FOXN3: variants seen among roughly 807,000 people sequenced by gnomAD.
FOXN3 encodes the protein forkhead box N3, also known as forkhead box protein N3.
In FOXN3, 7 loss-of-function variants were observed where a neutral mutation model predicts 38.4. That is an observed-to-expected ratio of 0.18 (90% CI 0.10 to 0.34). The LOEUF (loss-of-function observed/expected upper bound fraction) is 0.34, where lower values mean the gene tolerates loss of function less well. Ranked by LOEUF, FOXN3 falls within the 10% of genes least tolerant of loss-of-function variation. The pLI is 1.00. For missense variants in FOXN3, 456 were observed against 613.4 expected, an observed-to-expected ratio of 0.74 and a Z score of 2.71; for synonymous variants, 230 against 242.2, an observed-to-expected ratio of 0.95 and a Z score of 0.47.
intron 1 of FOXN3, among the ~76,000 whole-genome samples, chr14:89,600,529 A>G (rs1596329392): frequency 6.6e-6 from 1 of 152,334 alleles, no homozygotes; most frequent in East Asian, 1.9e-4. Context: ...AATTTTCTCC[A>G]AATTTTTATT....
chr14:89,447,063 G>T (rs1175005464), intron 1 of FOXN3, among the ~76,000 whole-genome samples: 3 of 152,184 alleles, frequency 2.0e-5, no homozygotes, highest in African/African-American at 7.2e-5. Flanking sequence ...GGGTGTGGTG[G>T]CATGCACCTG....
chr14:89,440,712 G>A lies in FOXN3; in HGVS notation c.-14-28222C>T, dbSNP rs368560780. On this transcript the variant is annotated intron_variant, in intron 1 of 6. Coordinates refer to the FOXN3 transcript ENST00000345097. ...TTATCTCCCTTCGCTGACTCTTTTC[G>A]GACTCAGCCCACCTGCACCCAGGTG... is the stretch of plus-strand genomic sequence containing the variant. Among the ~76,000 whole-genome samples, 10 of 152,138 alleles carry A rather than the reference G, an allele frequency of 6.6e-5. No individual in the cohort carries two copies. In the East Asian group the frequency reaches 7.7e-4, roughly 12 times the overall value.
chr14:89,245,468 G>A (rs1322395809), intron 4 of FOXN3, among the ~76,000 whole-genome samples: 3 of 101,016 alleles, frequency 3.0e-5, no homozygotes, highest in African/African-American at 7.4e-5. Flanking sequence ...CTTCAAAAAG[G>A]CATTGGAGAA....
intron 4 of FOXN3, among the ~76,000 whole-genome samples, chr14:89,207,012 G>A (rs1888402432): frequency 6.6e-6 from 1 of 152,008 alleles, no homozygotes. Flanking sequence ...TTAACAATAA[G>A]AACAACAATA....
intron 1 of FOXN3, among the ~76,000 whole-genome samples, chr14:89,437,063 A>G (rs1892288519): frequency 6.6e-6 from 1 of 152,106 alleles, no homozygotes; most frequent in South Asian, 2.1e-4. Flanking sequence ...AGGAGAATCA[A>G]TTGAACATGG....
chr14:89,191,973 T>TATATATATATAAATATATATAA (rs1481298307), intron 4 of FOXN3, among the ~76,000 whole-genome samples: 1 of 135,216 alleles, frequency 7.4e-6, no homozygotes, highest in African/African-American at 3.2e-5. Flanking sequence ...CACATATATA[T>TATATATATATAAATATATATAA]AACTATAATA....
At chr14:89,395,367 TACAC>T (rs1235037242) in intron 2 of FOXN3, among the ~76,000 whole-genome samples, 8 of 152,214 alleles carry the variant, frequency 5.3e-5, no homozygotes, top group African/African-American at 1.7e-4. Flanking sequence ...TTCAGAGAGG[TACAC>T]AGCTGGTTAG....
chr14:89,226,719 A>G (rs1884651762), intron 4 of FOXN3, among the ~76,000 whole-genome samples: 1 of 152,202 alleles, frequency 6.6e-6, no homozygotes. Flanking sequence ...GCTGACATAA[A>G]TAGTTAAGAT....
chr14:89,291,550 G>C, intron 3 of FOXN3: 1 of 571,978 alleles, frequency 1.7e-6, no homozygotes, highest in Non-Finnish European at 3.4e-6. Flanking sequence ...CCAGGCAGCT[G>C]ACAGCCCACT....
At chr14:89,449,375 C>G (rs1479199583) in intron 1 of FOXN3, among the ~76,000 whole-genome samples, 2 of 152,194 alleles carry the variant, frequency 1.3e-5, no homozygotes, top group Admixed American at 1.3e-4. Flanking sequence ...TTTACATACA[C>G]ATACCTACAC....
rs538532034 is a variant in FOXN3 at position 89,158,589 on chromosome 14, G to A, written c.*3825C>T. On this transcript the variant is annotated 3_prime_UTR_variant, in exon 6 of 6. Coordinates refer to ENST00000557258, the MANE Select transcript of FOXN3 (RefSeq NM_005197.4). Reference sequence around the variant, plus strand: ...TCTTGAAAGAATACTGATTAGGGAGGGGCAGGGAAGTAGGAGCTTATGGTA... The same window carrying A: ...TCTTGAAAGAATACTGATTAGGGAGAGGCAGGGAAGTAGGAGCTTATGGTA... The A allele has an allele frequency of 1.3e-5, 2 of 152,660 alleles. No homozygotes were observed. The highest frequency in any genetic ancestry group is 4.8e-5 in the African/African-American group (2 of 41,522). 9.5% of individuals were successfully genotyped at this position (152,660 alleles called of 1,614,324 possible).
At chr14:89,267,415 G>A (rs1378558318) in intron 4 of FOXN3, among the ~76,000 whole-genome samples, 3 of 152,164 alleles carry the variant, frequency 2.0e-5, no homozygotes, top group Non-Finnish European at 1.5e-5. Context: ...AGGTTAGGTG[G>A]CTCACCAGGT....
chr14:89,232,274 C>T lies in FOXN3; in HGVS notation c.745+48676G>A, dbSNP rs374872443. Reference sequence around the variant, plus strand: ...TGTAGGAGGATACATGTGTCTGAAACTTATTTAATATTCTACAAACACAAA... The same window carrying T: ...TGTAGGAGGATACATGTGTCTGAAATTTATTTAATATTCTACAAACACAAA... On this transcript the variant is annotated intron_variant, in intron 4 of 5. Coordinates refer to ENST00000557258, the MANE Select transcript of FOXN3 (RefSeq NM_005197.4). Among the ~76,000 whole-genome samples, 40 of 152,350 alleles carry T rather than the reference C, an allele frequency of 2.6e-4. 1 individual carries two copies. The South Asian group carries it at 7.9e-3, about 30-fold the overall frequency.
intron 2 of FOXN3, among the ~76,000 whole-genome samples, chr14:89,360,759 T>TCCAGCACCACCTCCAGCACCACCA (rs1889488702): frequency 2.6e-5 from 1 of 38,918 alleles, no homozygotes; most frequent in Admixed American, 2.4e-4. Context: ...CACCACCACC[T>TCCAGCACCACCTCCAGCACCACCA]CCACCACTAC....
intron 1 of FOXN3, among the ~76,000 whole-genome samples, chr14:89,589,661 C>T (rs1895912745): frequency 6.9e-6 from 1 of 144,878 alleles, no homozygotes; most frequent in Non-Finnish European, 1.5e-5. Flanking sequence ...TGGATGCTTT[C>T]TACCCTGAAA....
chr14:89,493,658 T>TTAACC (rs1374618286), intron 1 of FOXN3, among the ~76,000 whole-genome samples: 1 of 152,134 alleles, frequency 6.6e-6, no homozygotes, highest in Non-Finnish European at 1.5e-5. Context: ...CGATTTCCCC[T>TTAACC]TAACCGCACA....
intron 3 of FOXN3, among the ~76,000 whole-genome samples, chr14:89,312,686 C>T (rs1045676805): frequency 5.9e-5 from 9 of 152,204 alleles, no homozygotes; most frequent in African/African-American, 1.4e-4. Context: ...AATCCCACCA[C>T]ACCTTGCTAG....
chr14:89,274,489 C>T (rs1886240336), intron 4 of FOXN3, among the ~76,000 whole-genome samples: 1 of 152,128 alleles, frequency 6.6e-6, no homozygotes, highest in Non-Finnish European at 1.5e-5. Flanking sequence ...ACCAAGACTA[C>T]AAAGATCACA....
At chr14:89,583,013 T>C (rs1332453370) in intron 1 of FOXN3, among the ~76,000 whole-genome samples, 3 of 152,256 alleles carry the variant, frequency 2.0e-5, no homozygotes, top group Non-Finnish European at 4.4e-5. Context: ...TGATTTCTCA[T>C]TGGCCTGTTG....
Sources: gnomAD v4.1 joint callset for allele counts (sites outside exome capture counted in the v4.1 genomes callset) on GRCh38, gnomAD v4.1.1 for gene constraint, MANE v1.5 for transcripts, NCBI Gene and HGNC (gene_info 2026-07-23, HGNC 2026-07-21) for gene names.